The following ADAMTSL1 variants were observed in gnomAD, a reference collection of about 807,000 sequenced individuals.
The protein encoded by ADAMTSL1 is ADAMTS like 1, also known as ADAMTS-like protein 1.
In ADAMTSL1, 126 loss-of-function variants were observed where a neutral mutation model predicts 201.8. That is an observed-to-expected ratio of 0.62 (90% CI 0.54 to 0.72). The LOEUF is 0.72. Among genes scored for constraint, ADAMTSL1 ranks in the 30% least tolerant of loss-of-function variants. ADAMTSL1 has a pLI of 0.00. For synonymous variants in ADAMTSL1, 1,121 were observed against 903.4 expected, an observed-to-expected ratio of 1.24 and a Z score of -4.32; for missense variants, 2,679 against 2,277.8, an observed-to-expected ratio of 1.18 and a Z score of -3.59.
At chr9:18,572,974 C>T (rs1373047180) in intron 3 of ADAMTSL1, among the ~76,000 whole-genome samples, 1 of 152,088 alleles carries the variant, frequency 6.6e-6, no homozygotes, top group Non-Finnish European at 1.5e-5. Context: ...AAAGCCCTTC[C>T]AAGGGATAGG....
At chr9:18,864,023 G>T (rs1046904366) in intron 23 of ADAMTSL1, among the ~76,000 whole-genome samples, 1 of 152,210 alleles carries the variant, frequency 6.6e-6, no homozygotes, top group African/African-American at 2.4e-5. Context: ...CCTGGAGCCA[G>T]CTCATGAAGT....
chr9:18,426,525 G>A (rs1044477016), intron 2 of ADAMTSL1, among the ~76,000 whole-genome samples: 2 of 152,152 alleles, frequency 1.3e-5, no homozygotes, highest in East Asian at 3.8e-4. Flanking sequence ...CTACTAATAA[G>A]AGCTACTATT....
At chr9:18,403,691 G>C (rs1818072087) in intron 2 of ADAMTSL1, among the ~76,000 whole-genome samples, 1 of 152,084 alleles carries the variant, frequency 6.6e-6, no homozygotes, top group Non-Finnish European at 1.5e-5. Flanking sequence ...ATCTGTGATA[G>C]GTACAATTTG....
intron 1 of ADAMTSL1, among the ~76,000 whole-genome samples, chr9:18,059,311 G>T (rs1277342307): frequency 6.6e-6 from 1 of 152,150 alleles, no homozygotes; most frequent in Non-Finnish European, 1.5e-5. Context: ...AGTCTTGATA[G>T]TGCTTGGTGT....
At chr9:18,522,468 T>C (rs190037006) in intron 2 of ADAMTSL1, among the ~76,000 whole-genome samples, 1 of 152,230 alleles carries the variant, frequency 6.6e-6, no homozygotes, top group Admixed American at 6.5e-5. Context: ...TACTTTAAGT[T>C]CTAAGGTACA....
chr9:18,536,939 C>CTA (rs1819811100), intron 3 of ADAMTSL1, among the ~76,000 whole-genome samples: 1 of 151,808 alleles, frequency 6.6e-6, no homozygotes, highest in Non-Finnish European at 1.5e-5. Context: ...TTTTTTTGCA[C>CTA]TATCCTTAAG....
At chr9:18,450,110 T>G (rs1430959482) in intron 2 of ADAMTSL1, among the ~76,000 whole-genome samples, 1 of 152,124 alleles carries the variant, frequency 6.6e-6, no homozygotes, top group African/African-American at 2.4e-5. Flanking sequence ...CACCAAGAAC[T>G]GGAAGCAACC....
At chr9:18,171,838 T>C (rs1827906947) in intron 2 of ADAMTSL1, among the ~76,000 whole-genome samples, 1 of 152,134 alleles carries the variant, frequency 6.6e-6, no homozygotes, top group Non-Finnish European at 1.5e-5. Context: ...CTTTAATCCA[T>C]CTTGAGTTAA....
chr9:18,720,385 G>C (rs1299766652), intron 14 of ADAMTSL1, among the ~76,000 whole-genome samples: 1 of 152,202 alleles, frequency 6.6e-6, no homozygotes, highest in African/African-American at 2.4e-5. Flanking sequence ...CAAGCTCTTA[G>C]CGTTGGTACC....
intron 1 of ADAMTSL1, among the ~76,000 whole-genome samples, chr9:18,036,370 G>A (rs576302336): frequency 3.3e-5 from 5 of 152,240 alleles, no homozygotes; most frequent in African/African-American, 4.8e-5. Context: ...GTAATAAAAT[G>A]CTTTTCAGAA....
chr9:18,166,325 C>T (rs1385524720), intron 2 of ADAMTSL1, among the ~76,000 whole-genome samples: 1 of 151,794 alleles, frequency 6.6e-6, no homozygotes, highest in African/African-American at 2.4e-5. Flanking sequence ...TGAGAAAACC[C>T]ACCATGCCTA....
intron 2 of ADAMTSL1, among the ~76,000 whole-genome samples, chr9:18,371,952 C>CCATTCTAACATT (rs1229948540): frequency 4.6e-5 from 7 of 152,190 alleles, no homozygotes; most frequent in Admixed American, 4.6e-4. Context: ...GATAATGTTC[C>CCATTCTAACATT]AGGTAATTCT....
chr9:18,087,224 G>C (rs1823806348), intron 1 of ADAMTSL1, among the ~76,000 whole-genome samples: 1 of 152,012 alleles, frequency 6.6e-6, no homozygotes, highest in Non-Finnish European at 1.5e-5. Context: ...AATGCTTTCA[G>C]CCAGAAGTTG....
intron 1 of ADAMTSL1, among the ~76,000 whole-genome samples, chr9:17,953,450 C>T (rs566420352): frequency 1.3e-5 from 2 of 152,192 alleles, no homozygotes; most frequent in South Asian, 4.1e-4. Flanking sequence ...GCTTTTGACC[C>T]AGAAATTTCA....
intron 2 of ADAMTSL1, among the ~76,000 whole-genome samples, chr9:18,257,511 TAAC>T (rs1173014044): frequency 6.6e-6 from 1 of 152,130 alleles, no homozygotes; most frequent in Non-Finnish European, 1.5e-5. Context: ...ATAATAATAA[TAAC>T]AACAACAGAA....
intron 2 of ADAMTSL1, among the ~76,000 whole-genome samples, chr9:18,400,858 G>A (rs73643268): frequency 0.023 from 3,546 of 152,246 alleles, 158 homozygotes; most frequent in African/African-American, 0.081. Context: ...AATATAGTGC[G>A]TAGTAGGAGT....
chr9:17,912,319 C>T lies in ADAMTSL1; in HGVS notation c.87+5397C>T, dbSNP rs1208278859. On this transcript the variant is annotated intron_variant, in intron 1 of 29. Coordinates refer to the ADAMTSL1 transcript ENST00000680146. ...TCCCACCAACAGTGTAAAAGTGTTC[C>T]TATTTCTCCACATCCTCTCCAGCAC... 3.2e-5 allele frequency among the ~76,000 whole-genome samples: 2 copies of T among 63,050 alleles called. 1 individual carries two copies. Among genetic ancestry groups the T allele is most frequent in the Non-Finnish European group, 9.8e-5 (2 of 20,396 alleles). The allele number at this position is 63,050 out of a possible 152,430, so 41.4% of individuals were successfully genotyped here.
At chr9:18,590,164 G>A (rs992748411) in intron 4 of ADAMTSL1, among the ~76,000 whole-genome samples, 1 of 151,928 alleles carries the variant, frequency 6.6e-6, no homozygotes, top group African/African-American at 2.4e-5. Context: ...TGGGTCCTGG[G>A]TGTGACTTTG....
At chr9:18,719,330 T>G (rs537462192) in intron 14 of ADAMTSL1, among the ~76,000 whole-genome samples, 98 of 152,312 alleles carry the variant, frequency 6.4e-4, no homozygotes, top group African/African-American at 2.1e-3. Flanking sequence ...ATATTGTGAT[T>G]CTTTTTTTAT....
Sources: gnomAD v4.1 joint callset for allele counts (sites outside exome capture counted in the v4.1 genomes callset) on GRCh38, gnomAD v4.1.1 for gene constraint, MANE v1.5 for transcripts, NCBI Gene and HGNC (gene_info 2026-07-23, HGNC 2026-07-21) for gene names.